Variants in CFAP65 observed in about 807,000 individuals in gnomAD.
CFAP65 encodes the protein cilia and flagella associated protein 65.
CFAP65 carries 155 observed loss-of-function variants against 208.0 expected under a neutral mutation model. The ratio of observed to expected loss-of-function variants is 0.75; its 90% confidence interval spans 0.65 to 0.85. The LOEUF (loss-of-function observed/expected upper bound fraction) is 0.85. CFAP65 is among the 40% of genes least tolerant of loss of function. CFAP65 has a pLI of 0.00. For missense variants in CFAP65, 2,294 were observed against 2,451.3 expected (o/e 0.94, Z 1.36); for synonymous variants, 970 against 986.3 (o/e 0.98, Z 0.31).
rs753856568 is a variant in CFAP65, at chr2:219,035,605, C to A, written c.417G>T (p.Lys139Asn). ...HSPKKQERVN[K>N]RVIWGIEVAE... ...CCACCTCAATGCCCCAGATGACCCT[C>A]TTGTTCACTCTCTCCTGCTTCTTTG... Residue 139 changes from lysine (K) to asparagine (N), a missense_variant, in exon 5 of 35, where the codon AAG becomes AAT. By Grantham distance (94) the Lys-to-Asn change is moderately conservative (BLOSUM62 0). Coordinates refer to ENST00000341552, the MANE Select transcript of CFAP65 (RefSeq NM_194302.4). The A allele has an allele frequency of 2.0e-5, 33 of 1,614,006 alleles. No homozygotes were observed.
chr2:219,014,236 A>C, intron 21 of CFAP65, 192 bp from the exon 22 acceptor site: 1 of 483,816 alleles, frequency 2.1e-6, no homozygotes, highest in Non-Finnish European at 3.6e-6. Context: ...AATGGCCCCA[A>C]AACCCAGGAA....
chr2:219,022,239 C>T lies in CFAP65; in HGVS notation c.2911G>A (p.Ala971Thr). 6.2e-7 allele frequency: 1 copy of T among 1,606,372 alleles called. No homozygotes were observed. The highest frequency in any genetic ancestry group is 8.5e-7 in the Non-Finnish European group (1 of 1,176,696). ...TAGTGGGTGGTGGCAGCGGGGTTGGCATTTGGGGACAGGCCGGCTTCCCAG... is the reference window on the plus strand; with the variant it reads ...TAGTGGGTGGTGGCAGCGGGGTTGGTATTTGGGGACAGGCCGGCTTCCCAG... ...WVWEAGLSPN[A>T]NPAATTHYML... Residue 971 changes from alanine to threonine, a missense_variant, in exon 17 of 35, where the codon GCC becomes ACC. Transcript: ENST00000341552.
chr2:219,024,482 GGGGCA>G lies in CFAP65; in HGVS notation c.2350-227_2350-223del, dbSNP rs1435209115. On this transcript the variant is annotated intron_variant, in intron 14 of 34. Coordinates refer to ENST00000341552, the MANE Select transcript of CFAP65 (RefSeq NM_194302.4). ...GAGACCTCCAGAAAGGGGCGGGGGGGGGGCAGGGGGGCGGGGGCACAGGCCCCTGG... is the reference window on the plus strand; with the variant it reads ...GAGACCTCCAGAAAGGGGCGGGGGGGGGGGGGCGGGGGCACAGGCCCCTGG... Among the ~76,000 whole-genome samples, 38 of 137,578 alleles carry G rather than the reference GGGGCA, an allele frequency of 2.8e-4. 1 individual carries two copies. The highest frequency in any genetic ancestry group is 8.7e-4 in the African/African-American group (33 of 37,822). The allele number at this position is 137,578 out of a possible 152,430, so 90.3% of individuals were successfully genotyped here.
At chr2:219,013,680 C>T (rs1042949315) in intron 22 of CFAP65, 95 bp from the exon 23 acceptor site, 5 of 1,317,298 alleles carry the variant, frequency 3.8e-6, no homozygotes, top group South Asian at 3.7e-5. Flanking sequence ...TTTGAGCTGG[C>T]CAGCCCCTGG....
At chr2:219,030,654 C>A (rs202095438) in intron 9 of CFAP65, 35 bp downstream of exon 9, 1 of 1,601,714 alleles carries the variant, frequency 6.2e-7, no homozygotes. Context: ...ATCCTGGGGG[C>A]GTGAGTCCTG....
intron 2 of CFAP65, among the ~76,000 whole-genome samples, chr2:219,039,597 T>C (rs1948559883): frequency 2.0e-5 from 3 of 152,234 alleles, no homozygotes; most frequent in Admixed American, 2.0e-4. Flanking sequence ...CTTTAAAACA[T>C]TCTGGTAGCC....
At chr2:219,040,981 A>G (rs536366851) in intron 1 of CFAP65, among the ~76,000 whole-genome samples, 1 of 150,268 alleles carries the variant, frequency 6.7e-6, no homozygotes, top group Non-Finnish European at 1.5e-5. Flanking sequence ...CAAACACGTT[A>G]TAGTAATTAA....
chr2:219,024,173 C>A lies in CFAP65; in HGVS notation c.2437G>T (p.Ala813Ser), dbSNP rs1384901955. 1.9e-6 allele frequency: 3 copies of A among 1,613,928 alleles called. No homozygotes were observed. The highest frequency in any genetic ancestry group is 2.5e-6 in the Non-Finnish European group (3 of 1,180,022). ...ATGACGTCTGAGCCTCTCTGGGGGG[C>A]CAGGCTGAAGGTCAGCAGCTTGCAG... ...KDCKLLTFSL[A>S]PQRGSDVILR... Residue 813 changes from alanine (A) to serine (S), a missense_variant, in exon 15 of 35, where the codon GCC becomes TCC. Physicochemically the swap from Ala to Ser is moderately conservative, Grantham distance 99 (BLOSUM62 1). Around this residue, in one of 2 missense-constraint regions of CFAP65, gnomAD observed 1,427 missense variants for 1,438.7 expected, o/e 0.99. Transcript: ENST00000341552.
At chr2:219,009,206 G>A (rs752995776) in intron 28 of CFAP65, 52 bp from the exon 29 acceptor site, 30 of 1,555,708 alleles carry the variant, frequency 1.9e-5, no homozygotes, top group Admixed American at 3.4e-5. Flanking sequence ...CTTGCCCGGG[G>A]CCTATGCTGT....
At position 219,003,985 on chromosome 2, in the gene CFAP65, T is replaced by G; in HGVS notation, c.5522A>C (p.Glu1841Ala). ...QQQLNVMVKEEQEQDEKEAIR... is the reference protein window; with the variant it reads ...QQQLNVMVKEAQEQDEKEAIR... ...GGCCTCCTTCTCGTCCTGTTCTTGC[T>G]CCTCCTTCACCATGACATTCAGCTG... Residue 1841 changes from glutamate (E) to alanine (A), a missense_variant, in exon 33 of 35, where the codon GAG (glutamate) becomes GCG (alanine). Physicochemically the swap from Glu to Ala is moderately radical, Grantham distance 107. This residue lies in a region of CFAP65 where 1,427 missense variants were observed against 1,438.7 expected (regional missense o/e 0.99). Transcript: ENST00000341552. The surrounding 1 kb of genome is among the most constrained non-coding windows in gnomAD (Gnocchi z 4.4). The G allele has an allele frequency of 6.2e-7, 1 of 1,613,848 alleles. No homozygotes were observed. The highest frequency in any genetic ancestry group is 1.3e-5 in the African/African-American group (1 of 74,986).
At chr2:219,041,306 G>A (rs1948643437) in intron 1 of CFAP65, 182 bp downstream of exon 1, 1 of 537,098 alleles carries the variant, frequency 1.9e-6, no homozygotes, top group African/African-American at 2.0e-5. Context: ...CTTTCTCTTC[G>A]GGATCCTTAG....
At position 219,023,307 on chromosome 2, in the gene CFAP65, G is replaced by C; in HGVS notation, c.2720C>G (p.Ser907Trp). ...CCACTCGAACTGCAGGGGCAGACGC[G>C]AGGGGTTGCGGAAGGTGAAGGGGCT... ...STSPFTFRNP[S>W]RLPLQFEWRV... The change falls in exon 16 of 35, where the codon TCG (serine) becomes TGG (tryptophan). Residue 907 changes from serine (S) to tryptophan (W), a missense_variant. By Grantham distance (177) the Ser-to-Trp change is radical. Transcript: ENST00000341552. 2 of 1,613,270 alleles carry C rather than the reference G, an allele frequency of 1.2e-6. No homozygotes were observed. Among genetic ancestry groups the C allele is most frequent in the Non-Finnish European group, 1.7e-6 (2 of 1,179,868 alleles).
At chr2:219,022,372 C>G (rs1386340772) in intron 16 of CFAP65, 43 bp from the exon 17 acceptor site, 3 of 1,563,666 alleles carry the variant, frequency 1.9e-6, no homozygotes, top group Non-Finnish European at 2.6e-6. Flanking sequence ...TTCGGAAGCC[C>G]CTCCACAGGT....
rs908265916 is a variant in CFAP65 at position 219,004,182 on chromosome 2, C to T, written c.5325G>A (p.Leu1775=). Residue 1775 remains leucine (L), a synonymous_variant, in exon 33 of 35, where the codon TTG becomes TTA. Coordinates refer to ENST00000341552, the MANE Select transcript of CFAP65 (RefSeq NM_194302.4). This position sits in a 1 kb window ranked among gnomAD's most constrained non-coding sequence, Gnocchi z 4.7. ...EEKGEEEEEE[L]EEEEEEEEET... is the part of the protein sequence containing the mutation. ...CCTCTTCTTCCTCCTCTTCCTCCTCCAACTCTTCTTCTTCCTCTTCACCCT... is the reference window on the plus strand; with the variant it reads ...CCTCTTCTTCCTCCTCTTCCTCCTCTAACTCTTCTTCTTCCTCTTCACCCT... The T allele has an allele frequency of 2.5e-6, 4 of 1,613,848 alleles. No homozygotes were observed. The East Asian group carries it at 8.9e-5, about 36-fold the overall frequency.
intron 5 of CFAP65, chr2:219,034,652 T>C (rs1460323646): frequency 1.3e-5 from 2 of 152,192 alleles, no homozygotes; most frequent in East Asian, 1.9e-4. Flanking sequence ...GAGTTTGTAA[T>C]TGGGATAAGA....
Position 219,041,502 on chromosome 2 carries a change from G to C in CFAP65, c.-63C>G. The C allele has an allele frequency of 6.4e-7, 1 of 1,550,548 alleles. No homozygotes were observed. Among genetic ancestry groups the C allele is most frequent in the Non-Finnish European group, 8.7e-7 (1 of 1,146,986 alleles). ...TCAGAACTTACATCGCCTCCATATT[G>C]CCGTCTCCATAGATACAGGACGCGC... On this transcript the variant is annotated 5_prime_UTR_variant, in exon 1 of 35. Coordinates refer to ENST00000341552, the MANE Select transcript of CFAP65 (RefSeq NM_194302.4).
chr2:219,011,091 A>C, intron 24 of CFAP65, 95 bp from the exon 25 acceptor site: 1 of 1,141,670 alleles, frequency 8.8e-7, no homozygotes, highest in Non-Finnish European at 1.2e-6. Flanking sequence ...GGGCAGGCTG[A>C]TCTCCATGAT....
intron 32 of CFAP65, 37 bp downstream of exon 32, chr2:219,005,397 G>A (rs748055960): frequency 8.7e-6 from 14 of 1,612,712 alleles, no homozygotes; most frequent in African/African-American, 4.0e-5. Context: ...GGAGGGATGC[G>A]AAGGTGGCAA....
At position 219,028,025 on chromosome 2, in the gene CFAP65, C is replaced by A. The variant is rs775697322; in HGVS notation, c.1852-16G>T. The A allele has an allele frequency of 2.6e-6, 4 of 1,518,550 alleles. No homozygotes were observed. The South Asian group carries it at 5.3e-5, about 20-fold the overall frequency. The allele number at this position is 1,518,550 out of a possible 1,614,324, so 94.1% of individuals were successfully genotyped here. ...CCTCCAGATCCTGCATGGGGAAAGACAGGTGGATAGGGCTCAACTGCCATT... is the reference window on the plus strand; with the variant it reads ...CCTCCAGATCCTGCATGGGGAAAGAAAGGTGGATAGGGCTCAACTGCCATT... On this transcript the variant is annotated splice_polypyrimidine_tract_variant and intron_variant, in intron 12 of 34. Transcript: ENST00000341552.
Sources: allele counts gnomAD v4.1 joint callset (sites outside exome capture counted in the v4.1 genomes callset), GRCh38; gene constraint gnomAD v4.1.1; regional missense constraint gnomAD v4.1.1; non-coding constraint Gnocchi (gnomAD v3.1); transcripts MANE v1.5; gene names NCBI Gene and HGNC (gene_info 2026-07-23, HGNC 2026-07-21).